Variants in ERBB4 observed in about 807,000 individuals in gnomAD.
ERBB4 encodes the protein erb-b2 receptor tyrosine kinase 4, also known as receptor tyrosine-protein kinase erbB-4.
A neutral mutation model predicts 158.0 loss-of-function variants in ERBB4; 42 were observed. The ratio of observed to expected loss-of-function variants is 0.27; its 90% confidence interval spans 0.21 to 0.34. ERBB4 has a LOEUF of 0.34. Among genes scored for constraint, ERBB4 ranks in the 10% least tolerant of loss-of-function variants. The pLI, the probability that ERBB4 is intolerant of heterozygous loss-of-function variation, is 1.00. For synonymous variants in ERBB4, 583 were observed against 558.7 expected, an observed-to-expected ratio of 1.04 and a Z score of -0.61; for missense variants, 1,333 against 1,624.1, an observed-to-expected ratio of 0.82 and a Z score of 3.08.
chr2:211,658,610 T>A (rs1302919643), intron 15 of ERBB4, among the ~76,000 whole-genome samples: 5 of 152,204 alleles, frequency 3.3e-5, no homozygotes, highest in Non-Finnish European at 1.5e-5. Context: ...GGTTTCACCA[T>A]ACTGCAGTTT....
chr2:212,058,860 A>T (rs1575580052), intron 2 of ERBB4, among the ~76,000 whole-genome samples: 1 of 152,210 alleles, frequency 6.6e-6, no homozygotes, highest in East Asian at 1.9e-4. Flanking sequence ...AACTGGAAGC[A>T]TTCCCTTTGA....
At chr2:211,819,666 T>G (rs2076951959) in intron 3 of ERBB4, among the ~76,000 whole-genome samples, 1 of 151,888 alleles carries the variant, frequency 6.6e-6, no homozygotes, top group South Asian at 2.1e-4. Flanking sequence ...TTAGGTGTAA[T>G]GGGAAATTAT....
At chr2:211,727,524 A>G (rs2074304744) in intron 5 of ERBB4, among the ~76,000 whole-genome samples, 1 of 151,998 alleles carries the variant, frequency 6.6e-6, no homozygotes. Flanking sequence ...GTATCTCCTC[A>G]GGGCTTAATA....
intron 20 of ERBB4, among the ~76,000 whole-genome samples, chr2:211,552,070 A>G (rs1574732035): frequency 6.6e-6 from 1 of 152,018 alleles, no homozygotes; most frequent in Admixed American, 6.6e-5. Flanking sequence ...CCTTCCACTA[A>G]CTCCCACTCT....
At chr2:211,529,885 T>C (rs960360826) in intron 20 of ERBB4, among the ~76,000 whole-genome samples, 2 of 152,082 alleles carry the variant, frequency 1.3e-5, no homozygotes, top group Admixed American at 1.3e-4. Flanking sequence ...ACAGCTAGCA[T>C]CATACTGAAG....
intron 2 of ERBB4, among the ~76,000 whole-genome samples, chr2:211,978,394 CTG>C (rs1172460425): frequency 2.1e-5 from 3 of 141,148 alleles, no homozygotes; most frequent in Non-Finnish European, 4.6e-5. Flanking sequence ...GTCTGTCTGT[CTG>C]TCTATCTATC....
chr2:212,238,324 G>A (rs1313551597), intron 1 of ERBB4, among the ~76,000 whole-genome samples: 1 of 152,136 alleles, frequency 6.6e-6, no homozygotes, highest in Non-Finnish European at 1.5e-5. Context: ...CCTTGGCTAG[G>A]GGAGGGAGTT....
intron 2 of ERBB4, among the ~76,000 whole-genome samples, chr2:211,975,449 T>TTTTGGAGCTATAGC (rs1257964455): frequency 2.6e-5 from 4 of 152,316 alleles, no homozygotes; most frequent in African/African-American, 9.6e-5. Flanking sequence ...ACAGTTTGAA[T>TTTTGGAGCTATAGC]TTTGGAGCTA....
At chr2:212,400,843 G>A (rs1377843496) in intron 1 of ERBB4, among the ~76,000 whole-genome samples, 5 of 152,028 alleles carry the variant, frequency 3.3e-5, no homozygotes, top group African/African-American at 1.2e-4. Flanking sequence ...AAGATAAACT[G>A]GCTACTTGGG....
intron 1 of ERBB4, among the ~76,000 whole-genome samples, chr2:212,284,790 A>AT (rs139942845): frequency 0.14 from 21,634 of 152,030 alleles, 1,588 homozygotes; most frequent in South Asian, 0.2. Context: ...TGACCACATT[A>AT]TTTTTGAGCA....
chr2:211,552,981 T>G (rs58213208), intron 20 of ERBB4, among the ~76,000 whole-genome samples: 14,332 of 151,878 alleles, frequency 0.094, 1,092 homozygotes, highest in African/African-American at 0.21. Flanking sequence ...ACATTTTTTT[T>G]TTTTTGAGAT....
rs542688938 is a variant in ERBB4, at chr2:212,503,621, A to G, written c.82+34828T>C. On this transcript the variant is annotated intron_variant, in intron 1 of 27. Transcript: ENST00000342788. ...AGAAATCAGTGCAAGCCCCCAAAGGAAAAAACCAACAGCATACTCAGGAGC... is the reference window on the plus strand; with the variant it reads ...AGAAATCAGTGCAAGCCCCCAAAGGGAAAAACCAACAGCATACTCAGGAGC... Among the ~76,000 whole-genome samples the G allele has an allele frequency of 2.6e-5, 4 of 152,368 alleles. No homozygotes were observed. The South Asian group carries it at 8.3e-4, about 32-fold the overall frequency.
Position 211,381,529 on chromosome 2 carries a change from G to A in ERBB4, c.*2086C>T, listed in dbSNP as rs922575798. ...GACTATGCAATCTGATTGTTGGAAC[G>A]CATAGAAAAATTAAAATGTCATTTT... On this transcript the variant is annotated 3_prime_UTR_variant, in exon 28 of 28. Coordinates refer to ENST00000342788, the MANE Select transcript of ERBB4 (RefSeq NM_005235.3). The A allele has an allele frequency of 1.3e-5, 3 of 230,984 alleles. No homozygotes were observed. The highest frequency in any genetic ancestry group is 1.8e-4 in the South Asian group (1 of 5,516). 14.3% of individuals were successfully genotyped at this position (230,984 alleles called of 1,614,324 possible).
At chr2:212,486,149 A>G (rs1279579804) in intron 1 of ERBB4, among the ~76,000 whole-genome samples, 3 of 151,608 alleles carry the variant, frequency 2.0e-5, no homozygotes, top group African/African-American at 7.3e-5. Flanking sequence ...ATTAAGAAAA[A>G]ACATGCAAAC....
At chr2:211,761,758 A>C (rs1323113922) in intron 4 of ERBB4, among the ~76,000 whole-genome samples, 1 of 152,230 alleles carries the variant, frequency 6.6e-6, no homozygotes, top group Non-Finnish European at 1.5e-5. Context: ...TAAAATATTC[A>C]AAATACAACT....
chr2:211,808,660 T>C (rs1399977005), intron 3 of ERBB4, among the ~76,000 whole-genome samples: 1 of 152,236 alleles, frequency 6.6e-6, no homozygotes, highest in Non-Finnish European at 1.5e-5. Context: ...TCCAGTTCTG[T>C]GAAGAAAGTC....
intron 2 of ERBB4, among the ~76,000 whole-genome samples, chr2:212,024,964 C>T (rs2076740157): frequency 6.6e-6 from 1 of 151,818 alleles, no homozygotes; most frequent in Non-Finnish European, 1.5e-5. Flanking sequence ...CCTGAGCTGT[C>T]TTCTCTATAA....
chr2:212,024,792 C>G (rs2076736431), intron 2 of ERBB4, among the ~76,000 whole-genome samples: 1 of 150,906 alleles, frequency 6.6e-6, no homozygotes, highest in South Asian at 2.1e-4. Flanking sequence ...GGCCTAAAAT[C>G]AATCCTAAAA....
At chr2:211,632,455 A>G (rs2070179298) in intron 16 of ERBB4, among the ~76,000 whole-genome samples, 2 of 152,054 alleles carry the variant, frequency 1.3e-5, no homozygotes, top group Admixed American at 1.3e-4. Context: ...TATAATTGAG[A>G]CTAATGTCCA....
Sources: gnomAD v4.1 joint callset for allele counts (sites outside exome capture counted in the v4.1 genomes callset) on GRCh38, gnomAD v4.1.1 for gene constraint, MANE v1.5 for transcripts, NCBI Gene and HGNC (gene_info 2026-07-23, HGNC 2026-07-21) for gene names.